Variants in EML3 observed in about 807,000 individuals in gnomAD.
EML3 encodes the protein echinoderm microtubule-associated protein-like 3.
EML3 carries 53 observed loss-of-function variants against 106.7 expected under a neutral mutation model. That is an observed-to-expected ratio of 0.50 (90% CI 0.40 to 0.62). The LOEUF (loss-of-function observed/expected upper bound fraction) is 0.62, where lower values mean the gene tolerates loss of function less well. Among genes scored for constraint, EML3 ranks in the 20% least tolerant of loss-of-function variants. The pLI, the probability that EML3 is intolerant of heterozygous loss-of-function variation, is 0.00. For synonymous variants in EML3, 499 were observed against 489.6 expected, an observed-to-expected ratio of 1.02 and a Z score of -0.25; for missense variants, 994 against 1,209.1, an observed-to-expected ratio of 0.82 and a Z score of 2.64.
intron 12 of EML3, chr11:62,606,466 CT>C: frequency 1.8e-6 from 1 of 564,726 alleles, no homozygotes; most frequent in South Asian, 2.2e-5. Context: ...AACCTGAGAT[CT>C]GGCAAACACA....
In EML3 at chr11:62,610,863, G is replaced by C; in HGVS notation, c.566+16C>G. The C allele has an allele frequency of 1.3e-6, 2 of 1,592,810 alleles. No homozygotes were observed. The highest frequency in any genetic ancestry group is 8.5e-7 in the Non-Finnish European group (1 of 1,171,262). ...TGCGCCTGGGGCGGGGTGGGTTGAGGGGAAGCCTCACCCACCTCTCTGTGC... is the reference window on the plus strand; with the variant it reads ...TGCGCCTGGGGCGGGGTGGGTTGAGCGGAAGCCTCACCCACCTCTCTGTGC... On this transcript the variant is annotated intron_variant, in intron 4 of 21. Transcript: ENST00000394773.
Position 62,612,630 on chromosome 11 carries a change from G to A in EML3, c.-173C>T. The A allele has an allele frequency of 1.9e-6, 1 of 532,234 alleles. No individual in the cohort carries two copies. Among genetic ancestry groups the A allele is most frequent in the Non-Finnish European group, 2.9e-6 (1 of 340,764 alleles). The allele number at this position is 532,234 out of a possible 1,614,324, so 33.0% of individuals were successfully genotyped here. Reference sequence around the variant, plus strand: ...GGAAGGGGCCTGGAGGGGGCGCTGTGGGCCCGGGGCCGCAGTCTCCAGACC... The same window carrying A: ...GGAAGGGGCCTGGAGGGGGCGCTGTAGGCCCGGGGCCGCAGTCTCCAGACC... On this transcript the variant is annotated 5_prime_UTR_variant, in exon 1 of 22. Coordinates refer to ENST00000394773, the MANE Select transcript of EML3 (RefSeq NM_153265.3).
rs1422152742 is a variant in EML3, at chr11:62,611,151, C to A, written c.388G>T (p.Gly130Cys). 6.2e-7 allele frequency: 1 copy of A among 1,601,326 alleles called. No individual in the cohort carries two copies. Among genetic ancestry groups the A allele is most frequent in the South Asian group, 1.1e-5 (1 of 90,534 alleles). ...CCCGGGGGGCCAGGGGAGCCAGCACCACTGCTGCTGCTGCCCCCTCCTTCA... is the reference window on the plus strand; with the variant it reads ...CCCGGGGGGCCAGGGGAGCCAGCACAACTGCTGCTGCTGCCCCCTCCTTCA... ...QSEGGGSSSSGAGSPGPPGIL... is the reference protein window; with the variant it reads ...QSEGGGSSSSCAGSPGPPGIL... Residue 130 changes from glycine to cysteine, a missense_variant, in exon 3 of 22, where the codon GGT (glycine) becomes TGT (cysteine). Coordinates refer to ENST00000394773, the MANE Select transcript of EML3 (RefSeq NM_153265.3).
intron 7 of EML3, 62 bp from the exon 8 acceptor site, chr11:62,608,867 C>G (rs1165444409): frequency 1.3e-6 from 2 of 1,575,104 alleles, no homozygotes. Flanking sequence ...GACACCTTCT[C>G]CAAGCTTGCA....
chr11:62,612,752 C>A lies in EML3; in HGVS notation c.-295G>T, dbSNP rs2134417999. On this transcript the variant is annotated 5_prime_UTR_variant, in exon 1 of 22. Transcript: ENST00000394773. ...CACAGCGCCGCAGCACAAACAGGCG[C>A]CGGACGCGGAGCCGCCAGGAAGCGC... 1 of 332,262 alleles carries A rather than the reference C, an allele frequency of 3.0e-6. No homozygotes were observed. The highest frequency in any genetic ancestry group is 2.2e-5 in the African/African-American group (1 of 46,088). 20.6% of individuals were successfully genotyped at this position (332,262 alleles called of 1,614,324 possible).
At position 62,607,532 on chromosome 11, in the gene EML3, C is replaced by T. The variant is rs182091872; in HGVS notation, c.1362+134G>A. ...GGCCTGGGTGACAAGAGCAAGACTCCGTCTCAAAAGAAAAAAAAAAAAAGG... is the reference window on the plus strand; with the variant it reads ...GGCCTGGGTGACAAGAGCAAGACTCTGTCTCAAAAGAAAAAAAAAAAAAGG... On this transcript the variant is annotated intron_variant, in intron 11 of 21. Transcript: ENST00000394773. 1.6e-4 allele frequency: 172 copies of T among 1,058,178 alleles called. 1 individual carries two copies. In the African/African-American group the frequency reaches 2.4e-3, roughly 15 times the overall value. The allele number at this position is 1,058,178 out of a possible 1,614,324, so 65.5% of individuals were successfully genotyped here.
At chr11:62,606,406 A>G in intron 12 of EML3, 192 bp from the exon 13 acceptor site, 1 of 710,590 alleles carries the variant, frequency 1.4e-6, no homozygotes, top group South Asian at 2.0e-5. Flanking sequence ...ACTCACAGAA[A>G]TGAGGTAACT....
Position 62,603,987 on chromosome 11 carries a change from A to G in EML3, c.2126T>C (p.Val709Ala). ...SHDNVIYIYSVSSDGAKSSRF... is the reference protein window; with the variant it reads ...SHDNVIYIYSASSDGAKSSRF... The stretch of plus-strand genomic sequence containing the variant: ...GCTGGATTTGGCACCATCACTGGAA[A>G]CACTATAGATGTAGATCACGTTGTC... Residue 709 changes from valine (V) to alanine (A), a missense_variant, in exon 18 of 22, where the codon GTT becomes GCT. Around this residue, in one of 3 missense-constraint regions of EML3, gnomAD observed 713 missense variants for 920.5 expected, o/e 0.77. Coordinates refer to ENST00000394773, the MANE Select transcript of EML3 (RefSeq NM_153265.3). 6.2e-7 allele frequency: 1 copy of G among 1,614,188 alleles called. No homozygotes were observed. Among genetic ancestry groups the G allele is most frequent in the Non-Finnish European group, 8.5e-7 (1 of 1,180,044 alleles).
At position 62,609,100 on chromosome 11, in the gene EML3, T is replaced by C. The variant is rs1174461247; in HGVS notation, c.791A>G (p.Asn264Ser). Residue 264 changes from asparagine to serine, a missense_variant, in exon 7 of 22, where the codon AAT becomes AGT. Asn to Ser is a conservative substitution (Grantham distance 46). Transcript: ENST00000394773. ...CTCCCCAGAGCGCAACACAAACAGA[T>C]TAGAGCGGGAGTCACGACCCCTGTA... ...YGYRGRDSRS[N>S]LFVLRSGEVV... 6.2e-7 allele frequency: 1 copy of C among 1,613,698 alleles called. No individual in the cohort carries two copies. Among genetic ancestry groups the C allele is most frequent in the Admixed American group, 1.7e-5 (1 of 59,988 alleles).
intron 21 of EML3, 25 bp downstream of exon 21, chr11:62,602,734 A>G (rs1295135486): frequency 6.2e-7 from 1 of 1,608,224 alleles, no homozygotes; most frequent in Admixed American, 1.7e-5. Context: ...CACCGGTCCC[A>G]CCCCGGCGAT....
chr11:62,606,779 C>G (rs1338153363), intron 12 of EML3, among the ~76,000 whole-genome samples, 179 bp downstream of exon 12: 1 of 151,676 alleles, frequency 6.6e-6, no homozygotes, highest in Non-Finnish European at 1.5e-5. Flanking sequence ...ATCACTTGAA[C>G]CTGGAAGGCA....
chr11:62,606,842 G>C, intron 12 of EML3, 116 bp downstream of exon 12: 1 of 1,220,078 alleles, frequency 8.2e-7, no homozygotes, highest in Non-Finnish European at 1.1e-6. Context: ...GGGCAACAGA[G>C]TAAGACCTCA....
intron 16 of EML3, among the ~76,000 whole-genome samples, 184 bp from the exon 17 acceptor site, chr11:62,604,385 T>A (rs1335465455): frequency 6.6e-6 from 1 of 151,998 alleles, no homozygotes; most frequent in Non-Finnish European, 1.5e-5. Context: ...TTTGTTGTTG[T>A]TGTTGTTGTT....
intron 20 of EML3, 68 bp downstream of exon 20, chr11:62,603,081 G>A: frequency 6.3e-7 from 1 of 1,592,980 alleles, no homozygotes; most frequent in Non-Finnish European, 8.6e-7. Flanking sequence ...CACGCCCAGC[G>A]TTCCAAGCCC....
intron 10 of EML3, 167 bp from the exon 11 acceptor site, chr11:62,607,988 ATAAT>A (rs1220939091): frequency 3.6e-6 from 3 of 840,168 alleles, no homozygotes; most frequent in African/African-American, 1.7e-5. Context: ...CCTGTCAATC[ATAAT>A]TAATCACCCT....
intron 12 of EML3, chr11:62,606,509 C>T: frequency 2.0e-6 from 1 of 489,572 alleles, no homozygotes; most frequent in Non-Finnish European, 3.7e-6. Context: ...TGCTGTGCTG[C>T]CCACACGCTT....
chr11:62,609,526 A>C (rs1235563006), intron 5 of EML3, 49 bp from the exon 6 acceptor site: 1 of 1,548,916 alleles, frequency 6.5e-7, no homozygotes, highest in Non-Finnish European at 8.7e-7. Flanking sequence ...GGAAAGACAG[A>C]GCAGAACCCT....
rs769816616 is a variant in EML3, at chr11:62,602,659, C to G, written c.2507G>C (p.Gly836Ala). ...ARAKAPSRMYGGHGSHVTSVR... is the reference protein window; with the variant it reads ...ARAKAPSRMYAGHGSHVTSVR... The stretch of plus-strand genomic sequence containing the variant: ...GCTGGTCACGTGGCTGCCGTGGCCC[C>G]CGTACATGCGGCTCGGCGCCTGGGC... Residue 836 changes from glycine (G) to alanine (A), a missense_variant, in exon 22 of 22, where the codon GGG becomes GCG. By Grantham distance (60) the Gly-to-Ala change is moderately conservative. Coordinates refer to ENST00000394773, the MANE Select transcript of EML3 (RefSeq NM_153265.3). 4 of 1,596,850 alleles carry G rather than the reference C, an allele frequency of 2.5e-6. No homozygotes were observed. The Admixed American group carries it at 6.8e-5, about 27-fold the overall frequency.
chr11:62,605,548 CTGGGAG>C lies in EML3; in HGVS notation c.1914+88_1914+93del. The C allele has an allele frequency of 6.8e-7, 1 of 1,473,382 alleles. No homozygotes were observed. 91.3% of individuals were successfully genotyped at this position (1,473,382 alleles called of 1,614,324 possible). ...CCATACCAGTACAAACTGGCCACCT[CTGGGAG>C]GCAGAAGGCAAGGTGCTGGGGAAGG... On this transcript the variant is annotated intron_variant, in intron 15 of 21. Transcript: ENST00000394773. The surrounding 1 kb of genome is among the most constrained non-coding windows in gnomAD (Gnocchi z 5.2).
Sources: allele counts gnomAD v4.1 joint callset (sites outside exome capture counted in the v4.1 genomes callset), GRCh38; gene constraint gnomAD v4.1.1; regional missense constraint gnomAD v4.1.1; non-coding constraint Gnocchi (gnomAD v3.1); transcripts MANE v1.5; gene names NCBI Gene and HGNC (gene_info 2026-07-23, HGNC 2026-07-21).